The following SALL1 variants were observed in gnomAD, a reference collection of about 807,000 sequenced individuals.
SALL1 encodes spalt like transcription factor 1, also known as sal-like protein 1.
In SALL1, 10 loss-of-function variants were observed where a neutral mutation model predicts 73.1. The ratio of observed to expected loss-of-function variants is 0.14; its 90% CI spans 0.08 to 0.23. The LOEUF (loss-of-function observed/expected upper bound fraction) is 0.23, where lower values mean the gene tolerates loss of function less well. Ranked by LOEUF, SALL1 falls within the 10% of genes least tolerant of loss-of-function variation. SALL1 has a pLI of 1.00. For missense variants in SALL1, 1,520 were observed against 1,697.3 expected, an observed-to-expected ratio of 0.90 and a Z score of 1.84; for synonymous variants, 688 against 689.8, an observed-to-expected ratio of 1.00 and a Z score of 0.04.
intron 2 of SALL1, among the ~76,000 whole-genome samples, chr16:51,137,996 C>T (rs932694462): frequency 3.3e-5 from 5 of 152,148 alleles, no homozygotes; most frequent in African/African-American, 1.2e-4. Context: ...TCCCTGATTG[C>T]CCATTGGAGG....
chr16:51,141,750 T>G lies in SALL1; in HGVS notation c.472A>C (p.Ser158Arg), dbSNP rs139646526. ...GAGGAGCTGCCGCCGCCGCCGCTGC[T>G]GCTGCTGCTGCTGCTGCTGCTGCTT... ...APSSSSSSSS[S>R]SGGGGSSSTG... Residue 158 changes from serine (S) to arginine (R), a missense_variant, in exon 2 of 3, where the codon AGC (serine) becomes CGC (arginine). Ser to Arg is a moderately radical substitution (Grantham distance 110). Coordinates refer to ENST00000251020, the MANE Select transcript of SALL1 (RefSeq NM_002968.3). This position sits in a 1 kb window ranked among gnomAD's most constrained non-coding sequence, Gnocchi z 5.4. The G allele has an allele frequency of 2.0e-6, 3 of 1,517,844 alleles. No homozygotes were observed. Among genetic ancestry groups the G allele is most frequent in the South Asian group, 1.1e-5 (1 of 88,092 alleles). 94.0% of individuals were successfully genotyped at this position (1,517,844 alleles called of 1,614,324 possible).
In SALL1 at chr16:51,140,386, G is replaced by A. The variant is rs747254638; in HGVS notation, c.1836C>T (p.Ala612=). The change falls in exon 2 of 3, where the codon GCC becomes GCT. Residue 612 remains alanine (A), a synonymous_variant. Coordinates refer to ENST00000251020, the MANE Select transcript of SALL1 (RefSeq NM_002968.3). The surrounding 1 kb of genome is among the most constrained non-coding windows in gnomAD (Gnocchi z 5.7). ...CAGAGGGTGGCAGAGTGGACCCTTC[G>A]GCTTCCTCTGGGAGCCCACCTAGGT... The part of the protein sequence containing the change: ...TRNLGGLPEE[A]EGSTLPPSGG... The A allele has an allele frequency of 2.0e-5, 32 of 1,613,950 alleles. No individual in the cohort carries two copies. The highest frequency in any genetic ancestry group is 6.7e-5 in the East Asian group (3 of 44,880).
Position 51,139,068 on chromosome 16 carries a change from G to C in SALL1, c.3154C>G (p.Gln1052Glu). 1.9e-6 allele frequency: 3 copies of C among 1,614,218 alleles called. No homozygotes were observed. Among genetic ancestry groups the C allele is most frequent in the Non-Finnish European group, 2.5e-6 (3 of 1,180,044 alleles). ...GNLKQHMLTHQMRDLPSQLFE... is the reference protein window; with the variant it reads ...GNLKQHMLTHEMRDLPSQLFE... ...AGCTGGGATGGCAGATCTCGCATCTGATGTGTCAACATGTGCTGCTTCAAA... is the reference window on the plus strand; with the variant it reads ...AGCTGGGATGGCAGATCTCGCATCTCATGTGTCAACATGTGCTGCTTCAAA... The change falls in exon 2 of 3, where the codon CAG (glutamine) becomes GAG (glutamate). Residue 1052 changes from glutamine (Q) to glutamate (E), a missense_variant. Transcript: ENST00000251020.
chr16:51,148,930 G>A (rs1219479332), intron 1 of SALL1, among the ~76,000 whole-genome samples: 2 of 152,036 alleles, frequency 1.3e-5, no homozygotes, highest in Non-Finnish European at 2.9e-5. Flanking sequence ...AGGCTGGGAG[G>A]GGGTGTTTCC....
chr16:51,147,476 C>T (rs1189763839), intron 1 of SALL1, among the ~76,000 whole-genome samples: 2 of 152,000 alleles, frequency 1.3e-5, no homozygotes, highest in Admixed American at 1.3e-4. Flanking sequence ...CAATTAATTA[C>T]AGTTCTCGCT....
At chr16:51,150,626 G>A (rs1222880168) in intron 1 of SALL1, 1 of 971,938 alleles carries the variant, frequency 1.0e-6, no homozygotes, top group Non-Finnish European at 1.2e-6. Context: ...CAGGCCGAGG[G>A]GGAGTGTGCG....
At position 51,141,063 on chromosome 16, in the gene SALL1, C is replaced by T; in HGVS notation, c.1159G>A (p.Ala387Thr). The change falls in exon 2 of 3, where the codon GCG becomes ACG. Residue 387 changes from alanine (A) to threonine (T), a missense_variant. Ala to Thr is a moderately conservative substitution (Grantham distance 58). Around this residue, in one of 7 missense-constraint regions of SALL1, gnomAD observed 540 missense variants for 567.5 expected, o/e 0.95. Coordinates refer to ENST00000251020, the MANE Select transcript of SALL1 (RefSeq NM_002968.3). This position sits in a 1 kb window ranked among gnomAD's most constrained non-coding sequence, Gnocchi z 5.4. The part of the protein sequence containing the change: ...AFAISSLLSP[A>T]SNPLLPQQAS... ...TGCTGAGGTAGAAGTGGATTAGACG[C>T]AGGACTTAATAAACTGCTTATTGCA... The T allele has an allele frequency of 6.2e-7, 1 of 1,614,238 alleles. No homozygotes were observed. The highest frequency in any genetic ancestry group is 1.1e-5 in the South Asian group (1 of 91,080).
chr16:51,137,513 G>A lies in SALL1; in HGVS notation c.3574C>T (p.Arg1192Ter), dbSNP rs778610159. Reference sequence around the variant, plus strand: ...TCCACAGAGAGCCGCCGACCCCGTCGTGCAGGGGTGCTATTCCACATGTGA... The same window carrying A: ...TCCACAGAGAGCCGCCGACCCCGTCATGCAGGGGTGCTATTCCACATGTGA... ...GTHMWNSTPA[R>*]RGRRLSVDGP... The change falls in exon 3 of 3, where the codon CGA (arginine) becomes TGA (stop). Residue 1192 changes from arginine to a stop codon, truncating the protein, a stop_gained. Coordinates refer to ENST00000251020, the MANE Select transcript of SALL1 (RefSeq NM_002968.3). LOFTEE classifies it high-confidence loss of function. 3.1e-6 allele frequency: 5 copies of A among 1,613,716 alleles called. No homozygotes were observed. Among genetic ancestry groups the A allele is most frequent in the African/African-American group, 1.3e-5 (1 of 74,860 alleles).
rs773114400 is a variant in SALL1, at chr16:51,139,045, C to T, written c.3177G>A (p.Gln1059=). 6.2e-7 allele frequency: 1 copy of T among 1,614,176 alleles called. No homozygotes were observed. ...LTHQMRDLPS[Q]LFEPSSNLGP... ...CAAGGTTGGAACTGGGCTCAAAGAG[C>T]TGGGATGGCAGATCTCGCATCTGAT... The change falls in exon 2 of 3, where the codon CAG becomes CAA. Residue 1059 remains glutamine (Q), a synonymous_variant. Transcript: ENST00000251020.
chr16:51,143,015 C>T (rs1376370997), intron 1 of SALL1, among the ~76,000 whole-genome samples: 1 of 152,188 alleles, frequency 6.6e-6, no homozygotes, highest in African/African-American at 2.4e-5. Context: ...TAAAAACTGG[C>T]ACAAGATTTA....
At chr16:51,147,871 C>T (rs1343431018) in intron 1 of SALL1, among the ~76,000 whole-genome samples, 12 of 151,388 alleles carry the variant, frequency 7.9e-5, no homozygotes, top group Admixed American at 7.9e-4. Flanking sequence ...AGTAAAGAGC[C>T]CACATATAAA....
chr16:51,141,735 C>A lies in SALL1; in HGVS notation c.487G>T (p.Gly163Cys), dbSNP rs760334541. ...SSSSSSSGGGGSSSTGTSAIT... is the reference protein window; with the variant it reads ...SSSSSSSGGGCSSSTGTSAIT... ...GCTGAGGTACCTGTGGAGGAGCTGCCGCCGCCGCCGCTGCTGCTGCTGCTG... is the reference window on the plus strand; with the variant it reads ...GCTGAGGTACCTGTGGAGGAGCTGCAGCCGCCGCCGCTGCTGCTGCTGCTG... Residue 163 changes from glycine to cysteine, a missense_variant, in exon 2 of 3, where the codon GGC becomes TGC. Around this residue, in one of 7 missense-constraint regions of SALL1, gnomAD observed 540 missense variants for 567.5 expected, o/e 0.95. Coordinates refer to ENST00000251020, the MANE Select transcript of SALL1 (RefSeq NM_002968.3). The surrounding 1 kb of genome is among the most constrained non-coding windows in gnomAD (Gnocchi z 5.4). 1.2e-6 allele frequency: 2 copies of A among 1,609,794 alleles called. No homozygotes were observed. Among genetic ancestry groups the A allele is most frequent in the African/African-American group, 1.3e-5 (1 of 74,112 alleles).
rs1962437431 is a variant in SALL1 at position 51,141,706 on chromosome 16, G to A, written c.516C>T (p.Ile172=). The change falls in exon 2 of 3, where the codon ATC becomes ATT. Residue 172 remains isoleucine, a synonymous_variant. Coordinates refer to ENST00000251020, the MANE Select transcript of SALL1 (RefSeq NM_002968.3). This position sits in a 1 kb window ranked among gnomAD's most constrained non-coding sequence, Gnocchi z 5.4. ...GGSSSTGTSA[I]TTSLPQLGDL... ...CCCCGAGTTGAGGTAGAGAGGTTGT[G>A]ATCGCTGAGGTACCTGTGGAGGAGC... 1.9e-6 allele frequency: 3 copies of A among 1,613,616 alleles called. No individual in the cohort carries two copies. The highest frequency in any genetic ancestry group is 4.5e-5 in the East Asian group (2 of 44,840).
In SALL1 at chr16:51,136,530, A is replaced by G. The variant is rs1227387772; in HGVS notation, c.*582T>C. On this transcript the variant is annotated 3_prime_UTR_variant, in exon 3 of 3. Coordinates refer to ENST00000251020, the MANE Select transcript of SALL1 (RefSeq NM_002968.3). Reference sequence around the variant, plus strand: ...TGGAAATGGTTAAATCGACAAAAAAAAAGGTTGAATTTTAGAATAAAAATT... The same window carrying G: ...TGGAAATGGTTAAATCGACAAAAAAGAAGGTTGAATTTTAGAATAAAAATT... 1 of 153,012 alleles carries G rather than the reference A, an allele frequency of 6.5e-6. No individual in the cohort carries two copies. The highest frequency in any genetic ancestry group is 1.5e-5 in the Non-Finnish European group (1 of 68,386). 9.5% of individuals were successfully genotyped at this position (153,012 alleles called of 1,614,324 possible).
At chr16:51,151,935 G>T (rs928214290), upstream of SALL1, among the ~76,000 whole-genome samples, 2 of 151,616 alleles carry the variant, frequency 1.3e-5, no homozygotes, top group Non-Finnish European at 1.5e-5. Context: ...GCGGGATCAG[G>T]GGGGAGGGCG....
chr16:51,150,507 A>G (rs1384410142), intron 1 of SALL1: 2 of 985,722 alleles, frequency 2.0e-6, no homozygotes, highest in Non-Finnish European at 2.4e-6. Context: ...GGCGGCCAGC[A>G]GCACTCTCCA....
At chr16:51,146,415 C>T (rs1962518490) in intron 1 of SALL1, among the ~76,000 whole-genome samples, 1 of 152,122 alleles carries the variant, frequency 6.6e-6, no homozygotes, top group Admixed American at 6.5e-5. Context: ...TTGTGGCTTT[C>T]CTATTGCAGT....
rs779018518 is a variant in SALL1 at position 51,140,522 on chromosome 16, A to T, written c.1700T>A (p.Ile567Lys). The T allele has an allele frequency of 1.2e-6, 2 of 1,613,864 alleles. No homozygotes were observed. The highest frequency in any genetic ancestry group is 2.2e-5 in the South Asian group (2 of 91,048). The change falls in exon 2 of 3, where the codon ATA becomes AAA. Residue 567 changes from isoleucine (I) to lysine (K), a missense_variant. Ile to Lys is a moderately radical substitution (Grantham distance 102). Coordinates refer to ENST00000251020, the MANE Select transcript of SALL1 (RefSeq NM_002968.3). The surrounding 1 kb of genome is among the most constrained non-coding windows in gnomAD (Gnocchi z 5.7). ...TGGCTCTTCCGTCTTGATGAAGGGT[A>T]TGAGGCTTGGGAGGGTTGGGGGCAA... ...LPLPPTLPSL[I>K]PFIKTEEPAP...
Position 51,140,665 on chromosome 16 carries a change from A to G in SALL1, c.1557T>C (p.Asn519=). The change falls in exon 2 of 3, where the codon AAT becomes AAC. Residue 519 remains asparagine, a synonymous_variant. Coordinates refer to ENST00000251020, the MANE Select transcript of SALL1 (RefSeq NM_002968.3). This position sits in a 1 kb window ranked among gnomAD's most constrained non-coding sequence, Gnocchi z 5.7. ...NPYPVPEHLD[N]IPTSTGIPYG... ...ATGGGATGCCAGTACTCGTGGGGAT[A>G]TTGTCCAAATGCTCAGGCACAGGAT... The G allele has an allele frequency of 6.2e-7, 1 of 1,614,070 alleles. No homozygotes were observed. The highest frequency in any genetic ancestry group is 8.5e-7 in the Non-Finnish European group (1 of 1,180,002).
Sources: allele counts gnomAD v4.1 joint callset (sites outside exome capture counted in the v4.1 genomes callset), GRCh38; gene constraint gnomAD v4.1.1; regional missense constraint gnomAD v4.1.1; non-coding constraint Gnocchi (gnomAD v3.1); transcripts MANE v1.5; gene names NCBI Gene and HGNC (gene_info 2026-07-23, HGNC 2026-07-21).